Variants in ARHGAP6 observed in about 807,000 individuals in gnomAD.
ARHGAP6 encodes the protein rho GTPase-activating protein 6.
Under a neutral mutation model 55.7 loss-of-function variants are expected in ARHGAP6, and 16 were observed. The ratio of observed to expected loss-of-function variants is 0.29; its 90% CI spans 0.19 to 0.44. ARHGAP6 has a LOEUF of 0.44. ARHGAP6 is among the 20% of genes least tolerant of loss of function. ARHGAP6 has a pLI of 1.00. For synonymous variants in ARHGAP6, 382 were observed against 360.9 expected (o/e 1.06, Z -0.66); for missense variants, 698 against 808.9 (o/e 0.86, Z 1.66).
intron 2 of ARHGAP6, among the ~76,000 whole-genome samples, chrX:11,226,696 C>T (rs1372794511): frequency 1.8e-5 from 2 of 112,012 alleles, no homozygotes; most frequent in Non-Finnish European, 3.8e-5. Context: ...TAAATCCTTA[C>T]TGGATGTCTT....
At chrX:11,579,534 A>C (rs1445125172) in intron 1 of ARHGAP6, among the ~76,000 whole-genome samples, 1 of 112,315 alleles carries the variant, frequency 8.9e-6, no homozygotes, top group East Asian at 2.8e-4. Context: ...CAGAAATAAC[A>C]TCTTGATTAA....
intron 1 of ARHGAP6, among the ~76,000 whole-genome samples, chrX:11,647,031 T>C (rs757798294): frequency 3.6e-5 from 4 of 112,218 alleles, no homozygotes; most frequent in Non-Finnish European, 7.5e-5. Flanking sequence ...ACAAGATCAG[T>C]ATATTCAAGG....
intron 6 of ARHGAP6, 98 bp downstream of exon 6, chrX:11,181,965 A>G (rs1465208085): frequency 6.0e-5 from 40 of 670,387 alleles, no homozygotes; most frequent in Non-Finnish European, 1.8e-5. Flanking sequence ...AAAAAAAAAA[A>G]GATAATCAAA....
chrX:11,446,563 T>A (rs1309345399), intron 1 of ARHGAP6, among the ~76,000 whole-genome samples: 1 of 111,739 alleles, frequency 8.9e-6, no homozygotes, highest in Non-Finnish European at 1.9e-5. Flanking sequence ...GAAGAGTTGT[T>A]GGCAGAAAGC....
Position 11,567,564 on chromosome X carries a change from A to AT in ARHGAP6, c.588+96676_588+96677insA, listed in dbSNP as rs1320969579. Among the ~76,000 whole-genome samples, 69 of 64,418 alleles carry AT rather than the reference A, an allele frequency of 1.1e-3. 1 individual carries two copies. The highest frequency in any genetic ancestry group is 4.0e-3 in the African/African-American group (59 of 14,836). 55.9% of individuals were successfully genotyped at this position (64,418 alleles called of 115,157 possible). A position where few individuals can be genotyped will look rare whatever the true frequency, so the allele number is the denominator to read the frequency against. On this transcript the variant is annotated intron_variant, in intron 1 of 12. Transcript: ENST00000337414. ...GGGAGACTCCATCTCAAAAAAAAAAAAAATATATATATATATTTGCCTCAG... is the reference window on the plus strand; with the variant it reads ...GGGAGACTCCATCTCAAAAAAAAAAATAAATATATATATATATTTGCCTCAG...
rs775088025 is a variant in ARHGAP6 at position 11,287,918 on chromosome X, G to C, written c.589-33211C>G. ...CAGCTCCTCTTATGCCCTCCACCTTGCACCACACCAGCAGTGCTGGGTTCC... is the reference window on the plus strand; with the variant it reads ...CAGCTCCTCTTATGCCCTCCACCTTCCACCACACCAGCAGTGCTGGGTTCC... On this transcript the variant is annotated intron_variant, in intron 1 of 12. Coordinates refer to ENST00000337414, the MANE Select transcript of ARHGAP6 (RefSeq NM_013427.3). Among the ~76,000 whole-genome samples, 36 of 112,411 alleles carry C rather than the reference G, an allele frequency of 3.2e-4. No individual in the cohort carries two copies. In the East Asian group the frequency reaches 0.01, roughly 31 times the overall value.
At chrX:11,528,730 C>T (rs1251650342) in intron 1 of ARHGAP6, among the ~76,000 whole-genome samples, 1 of 111,707 alleles carries the variant, frequency 9.0e-6, no homozygotes, top group Non-Finnish European at 1.9e-5. Context: ...AGATTCTGGA[C>T]ACTAATAGCT....
At chrX:11,170,022 A>AT (rs761858910) in intron 8 of ARHGAP6, among the ~76,000 whole-genome samples, 1 of 111,360 alleles carries the variant, frequency 9.0e-6, no homozygotes, top group Non-Finnish European at 1.9e-5. Flanking sequence ...TTCTCCATCC[A>AT]TCCCTTCATT....
chrX:11,247,210 A>G (rs746408779), intron 2 of ARHGAP6, among the ~76,000 whole-genome samples: 28 of 111,901 alleles, frequency 2.5e-4, no homozygotes, highest in Admixed American at 3.8e-4. Context: ...ATTTTCTTAA[A>G]CCATCAGCTA....
At position 11,544,966 on chromosome X, in the gene ARHGAP6, A is replaced by C. The variant is rs147090243; in HGVS notation, c.588+119275T>G. ...ATCACTCTGAAACTTCCTACAAAAAATATGTAGATAGTTCATAATTATGTT... is the reference window on the plus strand; with the variant it reads ...ATCACTCTGAAACTTCCTACAAAAACTATGTAGATAGTTCATAATTATGTT... On this transcript the variant is annotated intron_variant, in intron 1 of 12. Coordinates refer to ENST00000337414, the MANE Select transcript of ARHGAP6 (RefSeq NM_013427.3). 3.5e-4 allele frequency among the ~76,000 whole-genome samples: 39 copies of C among 112,631 alleles called. No individual in the cohort carries two copies. In the East Asian group the frequency reaches 0.011, roughly 30 times the overall value.
chrX:11,519,832 C>T (rs2050893755), intron 1 of ARHGAP6, among the ~76,000 whole-genome samples: 1 of 105,916 alleles, frequency 9.4e-6, no homozygotes, highest in African/African-American at 3.5e-5. Flanking sequence ...ACACAAAAAT[C>T]AATTCAAGAT....
Position 11,140,203 on chromosome X carries a change from A to T in ARHGAP6, c.2258-673T>A, listed in dbSNP as rs371626845. ...CTAGGCCTGAACTAAAAAAAAAAAT[A>T]AAAAAAAAAATTAAACCACCCTGGC... On this transcript the variant is annotated intron_variant, in intron 12 of 12. Transcript: ENST00000337414. Among the ~76,000 whole-genome samples, 614 of 69,212 alleles carry T rather than the reference A, an allele frequency of 8.9e-3. 3 individuals are homozygous for T. Among genetic ancestry groups the T allele is most frequent in the African/African-American group, 0.016 (300 of 19,023 alleles). The allele number at this position is 69,212 out of a possible 115,157, so 60.1% of individuals were successfully genotyped here.
chrX:11,487,741 C>T lies in ARHGAP6; in HGVS notation c.588+176500G>A, dbSNP rs149336957. ...AATAAATGAAAGTAAAGGATTCTAACCCACTGAATAGAATAGGAATCCATG... is the reference window on the plus strand; with the variant it reads ...AATAAATGAAAGTAAAGGATTCTAATCCACTGAATAGAATAGGAATCCATG... On this transcript the variant is annotated intron_variant, in intron 1 of 12. Coordinates refer to ENST00000337414, the MANE Select transcript of ARHGAP6 (RefSeq NM_013427.3). Among the ~76,000 whole-genome samples, 550 of 111,469 alleles carry T rather than the reference C, an allele frequency of 4.9e-3. 3 individuals are homozygous for T. The highest frequency in any genetic ancestry group is 0.017 in the African/African-American group (519 of 30,703).
intron 1 of ARHGAP6, among the ~76,000 whole-genome samples, chrX:11,347,419 A>G (rs1569309088): frequency 1.8e-5 from 2 of 111,922 alleles, no homozygotes; most frequent in Admixed American, 1.9e-4. Context: ...TGAAAATGAG[A>G]CCTTACTGAC....
At chrX:11,216,354 A>G (rs753735169) in intron 2 of ARHGAP6, among the ~76,000 whole-genome samples, 4 of 112,117 alleles carry the variant, frequency 3.6e-5, no homozygotes, top group African/African-American at 1.3e-4. Flanking sequence ...AACGTCTTCT[A>G]AGAAAAATCA....
chrX:11,592,140 C>T (rs1227998501), intron 1 of ARHGAP6, among the ~76,000 whole-genome samples: 2 of 112,019 alleles, frequency 1.8e-5, no homozygotes, highest in East Asian at 5.6e-4. Flanking sequence ...TTAACTATGG[C>T]TCCATCCTGC....
chrX:11,199,846 G>GA (rs1214828788), intron 2 of ARHGAP6, among the ~76,000 whole-genome samples: 1 of 112,436 alleles, frequency 8.9e-6, no homozygotes, highest in Non-Finnish European at 1.9e-5. Context: ...AATGTGAAAT[G>GA]AAGCATTGCT....
chrX:11,477,337 T>C (rs376595574), intron 1 of ARHGAP6, among the ~76,000 whole-genome samples: 18 of 111,721 alleles, frequency 1.6e-4, no homozygotes, highest in African/African-American at 5.8e-4. Flanking sequence ...CTATACTGTA[T>C]GATTACTGTA....
intron 1 of ARHGAP6, among the ~76,000 whole-genome samples, chrX:11,276,977 T>G (rs1569282713): frequency 9.0e-6 from 1 of 111,613 alleles, no homozygotes; most frequent in Non-Finnish European, 1.9e-5. Context: ...CCATCATCAC[T>G]GATTCCAAAA....
Sources: allele counts gnomAD v4.1 joint callset (sites outside exome capture counted in the v4.1 genomes callset), GRCh38; gene constraint gnomAD v4.1.1; transcripts MANE v1.5; gene names NCBI Gene and HGNC (gene_info 2026-07-23, HGNC 2026-07-21).